The following ABCA12 variants were observed in gnomAD, a reference collection of about 807,000 sequenced individuals.
The protein encoded by ABCA12 is ATP binding cassette subfamily A member 12, also known as glucosylceramide transporter ABCA12.
In ABCA12, 156 loss-of-function variants were observed where a neutral mutation model predicts 293.5. The ratio of observed to expected loss-of-function variants is 0.53; its 90% CI spans 0.47 to 0.61. The LOEUF (loss-of-function observed/expected upper bound fraction) is 0.61. ABCA12 is among the 20% of genes least tolerant of loss of function. The probability of loss-of-function intolerance (pLI) is 0.00; values close to 1 mark genes in which losing one functional copy is unlikely to be tolerated. For missense variants in ABCA12, 2,797 were observed against 3,090.2 expected (o/e 0.91, Z 2.25); for synonymous variants, 1,063 against 1,108.0 (o/e 0.96, Z 0.81).
chr2:215,011,361 T>G, intron 17 of ABCA12, 78 bp downstream of exon 17: 1 of 1,122,974 alleles, frequency 8.9e-7, no homozygotes, highest in East Asian at 2.5e-5. Context: ...TCATTTATCA[T>G]AAAAAACTAA....
At position 214,932,672 on chromosome 2, in the gene ABCA12, T is replaced by C. The variant is rs371138932; in HGVS notation, c.7750A>G (p.Ile2584Val). 8.0e-5 allele frequency: 129 copies of C among 1,613,718 alleles called. No homozygotes were observed. Among genetic ancestry groups the C allele is most frequent in the African/African-American group, 4.5e-4 (34 of 75,040 alleles). The change falls in exon 53 of 53, where the codon ATA becomes GTA. Residue 2584 changes from isoleucine (I) to valine (V), a missense_variant. Transcript: ENST00000272895. ...TADTSSQGST[I>V]SVDSQDDQME... ...TGGTCATCTTGTGAGTCAACACTTA[T>C]AGTGGAACCTTGGCTGCTGGTATCA... is the stretch of plus-strand genomic sequence containing the variant.
chr2:214,970,523 C>CTGT, intron 36 of ABCA12, 123 bp from the exon 37 acceptor site: 1 of 1,103,018 alleles, frequency 9.1e-7, no homozygotes. Flanking sequence ...TGTGATAAGA[C>CTGT]TGTCCTTTGA....
chr2:215,001,718 T>C lies in ABCA12; in HGVS notation c.2703A>G (p.Leu901=). The change falls in exon 21 of 53, where the codon TTA becomes TTG. Residue 901 remains leucine, a synonymous_variant. Coordinates refer to ENST00000272895, the MANE Select transcript of ABCA12 (RefSeq NM_173076.3). ...GATCGATGATGTCAATGTTGTTCTC[T>C]AATTTCAGTCTTAGAATATCTAAAG... is the stretch of plus-strand genomic sequence containing the variant. ...IDELDILRLK[L]ENNIDIIDQL... 1 of 1,613,356 alleles carries C rather than the reference T, an allele frequency of 6.2e-7. No homozygotes were observed. The highest frequency in any genetic ancestry group is 8.5e-7 in the Non-Finnish European group (1 of 1,179,662).
At chr2:214,971,868 C>T (rs571305121) in intron 36 of ABCA12, among the ~76,000 whole-genome samples, 1 of 152,120 alleles carries the variant, frequency 6.6e-6, no homozygotes, top group South Asian at 2.1e-4. Context: ...AATTAAATTC[C>T]CAGAGCAGAA....
At chr2:215,066,970 A>G (rs1318627106) in intron 2 of ABCA12, among the ~76,000 whole-genome samples, 1 of 152,096 alleles carries the variant, frequency 6.6e-6, no homozygotes, top group Admixed American at 6.6e-5. Context: ...TGACATCTAT[A>G]ATATACTTTC....
chr2:215,015,611 GGA>G lies in ABCA12; in HGVS notation c.1833_1834del (p.Pro612GlnfsTer111). 2 of 1,614,018 alleles carry G rather than the reference GGA, an allele frequency of 1.2e-6. No individual in the cohort carries two copies. The highest frequency in any genetic ancestry group is 1.7e-6 in the Non-Finnish European group (2 of 1,179,974). ...TTCTTTCATTGCATCTTCTAGTTTG[GGA>G]GTGGTGATATTAGTATCACAGGAAT... On this transcript the variant is annotated frameshift_variant, in exon 15 of 53. Coordinates refer to ENST00000272895, the MANE Select transcript of ABCA12 (RefSeq NM_173076.3). LOFTEE classifies it high-confidence loss of function.
intron 2 of ABCA12, among the ~76,000 whole-genome samples, chr2:215,091,729 T>C (rs1702151229): frequency 6.6e-6 from 1 of 152,220 alleles, no homozygotes; most frequent in Non-Finnish European, 1.5e-5. Context: ...TGTAGCAACG[T>C]ATTTCTGAGT....
At chr2:214,953,271 A>G (rs1416710769) in intron 44 of ABCA12, among the ~76,000 whole-genome samples, 1 of 152,196 alleles carries the variant, frequency 6.6e-6, no homozygotes, top group African/African-American at 2.4e-5. Context: ...AAGGACGTTT[A>G]TGTTGTTTCT....
At chr2:215,040,587 T>C (rs935133850) in intron 7 of ABCA12, among the ~76,000 whole-genome samples, 25 of 152,252 alleles carry the variant, frequency 1.6e-4, no homozygotes, top group African/African-American at 5.8e-4. Flanking sequence ...GGTGGACGGA[T>C]CACCTGAGGT....
chr2:215,031,724 T>A, intron 9 of ABCA12, 97 bp downstream of exon 9: 1 of 1,445,782 alleles, frequency 6.9e-7, no homozygotes, highest in Non-Finnish European at 9.7e-7. Flanking sequence ...TTCTATTCCA[T>A]GCTTATATAC....
chr2:215,123,470 G>T (rs969740654), intron 1 of ABCA12, among the ~76,000 whole-genome samples: 1 of 152,090 alleles, frequency 6.6e-6, no homozygotes, highest in East Asian at 1.9e-4. Context: ...TGCACCTGGC[G>T]TCCCACATTT....
At chr2:214,941,811 A>C (rs1698414564) in intron 50 of ABCA12, among the ~76,000 whole-genome samples, 1 of 149,266 alleles carries the variant, frequency 6.7e-6, no homozygotes, top group Non-Finnish European at 1.5e-5. Context: ...TTTGCTTGGT[A>C]GCTATTCCTC....
At chr2:215,119,501 C>G (rs1702756425) in intron 1 of ABCA12, among the ~76,000 whole-genome samples, 1 of 151,918 alleles carries the variant, frequency 6.6e-6, no homozygotes, top group African/African-American at 2.4e-5. Flanking sequence ...AGGTACGGGT[C>G]CAGTTTTATT....
intron 19 of ABCA12, 87 bp from the exon 20 acceptor site, chr2:215,004,386 A>G: frequency 2.1e-6 from 2 of 947,866 alleles, no homozygotes; most frequent in Non-Finnish European, 3.3e-6. Flanking sequence ...AGTGAAGTGC[A>G]GTAACCACAA....
chr2:215,077,808 C>A (rs540396668), intron 2 of ABCA12, among the ~76,000 whole-genome samples: 1 of 152,138 alleles, frequency 6.6e-6, no homozygotes, highest in Non-Finnish European at 1.5e-5. Context: ...TACATATTTG[C>A]CCATCTCAGC....
At chr2:215,056,826 G>A (rs1701429470) in intron 3 of ABCA12, among the ~76,000 whole-genome samples, 1 of 152,040 alleles carries the variant, frequency 6.6e-6, no homozygotes. Context: ...CAAGAAAGTA[G>A]CTGGTCTTGC....
chr2:215,011,346 ATACT>A (rs1700367179), intron 17 of ABCA12, 89 bp downstream of exon 17: 2 of 944,230 alleles, frequency 2.1e-6, no homozygotes, highest in South Asian at 2.9e-5. Flanking sequence ...GGGAAAATTA[ATACT>A]TCATTTATCA....
intron 50 of ABCA12, among the ~76,000 whole-genome samples, chr2:214,940,881 A>G (rs1698378002): frequency 6.6e-6 from 1 of 151,992 alleles, no homozygotes; most frequent in African/African-American, 2.4e-5. Context: ...TAGTCTGGCT[A>G]GTGGTCTACT....
rs1165896276 is a variant in ABCA12 at position 215,074,919 on chromosome 2, G to A, written c.164-10700C>T. Among the ~76,000 whole-genome samples, 4 of 152,162 alleles carry A rather than the reference G, an allele frequency of 2.6e-5. No individual in the cohort carries two copies. The South Asian group carries it at 6.2e-4, about 24-fold the overall frequency. The stretch of plus-strand genomic sequence containing the variant: ...ATCACGCCACTGTACTCAAGCCTGG[G>A]TGACAGAGCAAGACTCTGTCTCAAA... On this transcript the variant is annotated intron_variant, in intron 2 of 52. Transcript: ENST00000272895.
Sources: gnomAD v4.1 joint callset for allele counts (sites outside exome capture counted in the v4.1 genomes callset) on GRCh38, gnomAD v4.1.1 for gene constraint, MANE v1.5 for transcripts, NCBI Gene and HGNC (gene_info 2026-07-23, HGNC 2026-07-21) for gene names.